The following CD81 variants were observed in gnomAD, a reference collection of about 807,000 sequenced individuals.
The protein encoded by CD81 is CD81 molecule, also known as CD81 antigen.
A neutral mutation model predicts 30.1 loss-of-function variants in CD81; 10 were observed. The observed-to-expected ratio is 0.33, with a 90% CI of 0.21 to 0.56. The LOEUF (loss-of-function observed/expected upper bound fraction) is 0.56. Ranked by LOEUF, CD81 falls within the 20% of genes least tolerant of loss-of-function variation. CD81 has a pLI of 0.89. For synonymous variants in CD81, 147 were observed against 126.4 expected (o/e 1.16, Z -1.10); for missense variants, 263 against 308.7 (o/e 0.85, Z 1.11).
At chr11:2,395,318 G>A in intron 4 of CD81, 98 bp from the exon 5 acceptor site, 2 of 990,284 alleles carry the variant, frequency 2.0e-6, no homozygotes, top group Non-Finnish European at 3.2e-6. Context: ...ACCCTGCCCA[G>A]GGAGAGCCTG....
intron 1 of CD81, among the ~76,000 whole-genome samples, chr11:2,388,747 C>T (rs142096828): frequency 6.6e-6 from 1 of 152,302 alleles, no homozygotes; most frequent in African/African-American, 2.4e-5. Flanking sequence ...CCCCGGGTGC[C>T]TCCTCACCTG....
upstream of CD81, chr11:2,377,259 A>AG (rs1362852277): frequency 7.4e-4 from 110 of 149,510 alleles, 1 homozygote; most frequent in Middle Eastern, 3.6e-3. The surrounding 1 kb of genome is among the most constrained non-coding windows in gnomAD (Gnocchi z 7.7). Context: ...GGGCCTATGG[A>AG]GGGGCGGGAC....
chr11:2,395,463 C>CGTG lies in CD81; in HGVS notation c.407_409dup (p.Val136dup). On this transcript the variant is annotated inframe_insertion, in exon 5 of 8. Coordinates refer to ENST00000263645, the MANE Select transcript of CD81 (RefSeq NM_004356.4). Reference sequence around the variant, plus strand: ...TCTATGACCAGGCCCTACAGCAGGCCGTGGTGGATGATGACGCCAACAACG... The same window carrying CGTG: ...TCTATGACCAGGCCCTACAGCAGGCCGTGGTGGTGGATGATGACGCCAACAACG... The CGTG allele has an allele frequency of 1.2e-6, 2 of 1,612,804 alleles. No homozygotes were observed. The highest frequency in any genetic ancestry group is 2.2e-5 in the South Asian group (2 of 91,090).
chr11:2,393,550 T>A lies in CD81; in HGVS notation c.182-545T>A, dbSNP rs377282719. The A allele has an allele frequency of 2.0e-3, 669 of 342,106 alleles. 4 individuals are homozygous for A. Among genetic ancestry groups the A allele is most frequent in the African/African-American group, 0.013 (621 of 47,106 alleles). 21.2% of individuals were successfully genotyped at this position (342,106 alleles called of 1,614,324 possible). A position where few individuals can be genotyped will look rare whatever the true frequency, so the allele number is the denominator to read the frequency against. ...GGAAGTGCTGCTGTGCAGCCCAGAT[T>A]GGGGGGCAGGAGCCAGCAGGGCCCC... On this transcript the variant is annotated intron_variant, in intron 2 of 7. Coordinates refer to ENST00000263645, the MANE Select transcript of CD81 (RefSeq NM_004356.4).
intron 1 of CD81, among the ~76,000 whole-genome samples, chr11:2,389,426 G>A (rs1849856250): frequency 6.6e-6 from 1 of 152,138 alleles, no homozygotes; most frequent in Admixed American, 6.5e-5. Flanking sequence ...GGGCCTTGGT[G>A]TGTGCAGAGG....
chr11:2,393,662 G>A, intron 2 of CD81: 2 of 552,108 alleles, frequency 3.6e-6, no homozygotes, highest in South Asian at 4.6e-5. Context: ...GGCCTACAGT[G>A]GGGCCCACCC....
chr11:2,385,470 A>C (rs180935281), intron 1 of CD81, among the ~76,000 whole-genome samples: 1 of 146,928 alleles, frequency 6.8e-6, no homozygotes, highest in African/African-American at 2.7e-5. Flanking sequence ...CTTCAGCATG[A>C]TTACCCAGAG....
chr11:2,377,139 TG>T (rs1849605730), upstream of CD81, among the ~76,000 whole-genome samples: 1 of 152,012 alleles, frequency 6.6e-6, no homozygotes, highest in African/African-American at 2.4e-5. The surrounding 1 kb of genome is among the most constrained non-coding windows in gnomAD (Gnocchi z 7.7). Flanking sequence ...CCTGAGGTCC[TG>T]GCCGAAACGC....
At chr11:2,386,656 G>A in intron 1 of CD81, 1 of 715,822 alleles carries the variant, frequency 1.4e-6, no homozygotes, top group Non-Finnish European at 2.6e-6. Context: ...CCTCTGCCCA[G>A]TGCCTGGCAC....
intron 4 of CD81, 179 bp downstream of exon 4, chr11:2,395,225 C>T (rs1049570691): frequency 6.9e-6 from 5 of 725,444 alleles, no homozygotes; most frequent in Non-Finnish European, 1.2e-5. Context: ...GGGCTGAGCA[C>T]CAGGCCAGCC....
At position 2,382,946 on chromosome 11, in the gene CD81, G is replaced by A. The variant is rs34944526; in HGVS notation, c.66+5331G>A. Among the ~76,000 whole-genome samples, 61 of 152,284 alleles carry A rather than the reference G, an allele frequency of 4.0e-4. No individual in the cohort carries two copies. The East Asian group carries it at 9.5e-3, about 24-fold the overall frequency. ...AGGGACTTCCTGGCTTCCCTGCCTC[G>A]GGAACAGCTGGTCCTGGAAGGGGCT... On this transcript the variant is annotated intron_variant, in intron 1 of 7. Transcript: ENST00000263645.
At chr11:2,394,021 G>A (rs1456281227) in intron 2 of CD81, 74 bp from the exon 3 acceptor site, 2 of 1,198,344 alleles carry the variant, frequency 1.7e-6, no homozygotes, top group Non-Finnish European at 2.5e-6. Flanking sequence ...GGTGGGTTCG[G>A]CACCCAGGAC....
intron 7 of CD81, 26 bp from the exon 8 acceptor site, chr11:2,396,778 C>G (rs1390204042): frequency 5.6e-6 from 9 of 1,612,348 alleles, no homozygotes; most frequent in Non-Finnish European, 7.6e-6. Context: ...CTTGTGCTGA[C>G]TGCGCCCCCC....
At chr11:2,387,995 A>G (rs528612766) in intron 1 of CD81, among the ~76,000 whole-genome samples, 3 of 152,284 alleles carry the variant, frequency 2.0e-5, no homozygotes, top group Admixed American at 1.3e-4. Context: ...GGGACCATCA[A>G]CAGCCCCTTT....
intron 1 of CD81, chr11:2,386,570 C>T (rs1483977804): frequency 4.2e-6 from 3 of 717,132 alleles, no homozygotes; most frequent in Non-Finnish European, 7.8e-6. Context: ...GCTCAAGGTC[C>T]CTGCTGAAGG....
intron 1 of CD81, among the ~76,000 whole-genome samples, chr11:2,380,405 A>G (rs1253457170): frequency 6.6e-6 from 1 of 152,042 alleles, no homozygotes; most frequent in Non-Finnish European, 1.5e-5. Context: ...ACACACGCAC[A>G]GGCACTCACA....
intron 1 of CD81, among the ~76,000 whole-genome samples, chr11:2,380,071 A>G (rs754075449): frequency 5.3e-5 from 8 of 152,142 alleles, no homozygotes; most frequent in Non-Finnish European, 1.0e-4. Flanking sequence ...ATTTGCTGAC[A>G]TGCCTGAGTG....
chr11:2,394,339 T>C (rs913919289), intron 3 of CD81, 147 bp downstream of exon 3: 4 of 617,224 alleles, frequency 6.5e-6, no homozygotes, highest in Non-Finnish European at 1.1e-5. Flanking sequence ...CCGTTTGGTT[T>C]TTAAATTAAA....
intron 6 of CD81, chr11:2,396,241 C>A: frequency 1.7e-6 from 1 of 575,284 alleles, no homozygotes. Context: ...CACGTGTGCA[C>A]TCGTGGGTGT....
Sources: gnomAD v4.1 joint callset for allele counts (sites outside exome capture counted in the v4.1 genomes callset) on GRCh38, gnomAD v4.1.1 for gene constraint, Gnocchi (gnomAD v3.1) non-coding constraint, MANE v1.5 for transcripts, NCBI Gene and HGNC (gene_info 2026-07-23, HGNC 2026-07-21) for gene names.